Variants in CLASP1 observed in about 807,000 individuals in gnomAD.
The protein encoded by CLASP1 is CLIP-associating protein 1.
A neutral mutation model predicts 192.3 loss-of-function variants in CLASP1; 38 were observed. That is an observed-to-expected ratio of 0.20 (90% CI 0.15 to 0.26). The LOEUF is 0.26. CLASP1 is among the 10% of genes least tolerant of loss of function. The pLI is 1.00. For synonymous variants in CLASP1, 691 were observed against 712.8 expected, an observed-to-expected ratio of 0.97 and a Z score of 0.49; for missense variants, 1,433 against 1,932.5, an observed-to-expected ratio of 0.74 and a Z score of 4.85.
chr2:121,392,533 C>T (rs536030907), intron 30 of CLASP1, among the ~76,000 whole-genome samples: 1 of 152,318 alleles, frequency 6.6e-6, no homozygotes, highest in African/African-American at 2.4e-5. Context: ...GCCTCAGCCT[C>T]CCATGAGGCT....
At chr2:121,636,570 C>T (rs1031863431) in intron 1 of CLASP1, among the ~76,000 whole-genome samples, 2 of 151,868 alleles carry the variant, frequency 1.3e-5, no homozygotes, top group African/African-American at 4.8e-5. Context: ...GAGGCTGAGG[C>T]ATGAGAATCA....
intron 9 of CLASP1, among the ~76,000 whole-genome samples, chr2:121,463,465 G>A (rs2088578776): frequency 6.6e-6 from 1 of 152,132 alleles, no homozygotes; most frequent in Non-Finnish European, 1.5e-5. Context: ...CTCACACTGT[G>A]GAAAAGCTAA....
chr2:121,634,082 T>C (rs1158579071), intron 1 of CLASP1, among the ~76,000 whole-genome samples: 2 of 150,968 alleles, frequency 1.3e-5, no homozygotes, highest in African/African-American at 2.4e-5. Flanking sequence ...CAGGCCAAAA[T>C]AGGAAGGGAC....
At position 121,585,332 on chromosome 2, in the gene CLASP1, G is replaced by C. The variant is rs183351077; in HGVS notation, c.195+20369C>G. ...CTTTCAAGACATCTCTGTAGCTTGAGAGCATTTGTCAGCAGGTTACAAAAA... is the reference window on the plus strand; with the variant it reads ...CTTTCAAGACATCTCTGTAGCTTGACAGCATTTGTCAGCAGGTTACAAAAA... On this transcript the variant is annotated intron_variant, in intron 2 of 39. Transcript: ENST00000263710. Among the ~76,000 whole-genome samples, 310 of 152,292 alleles carry C rather than the reference G, an allele frequency of 2.0e-3. 2 individuals are homozygous for C. The highest frequency in any genetic ancestry group is 2.1e-3 in the Non-Finnish European group (143 of 68,030).
intron 19 of CLASP1, among the ~76,000 whole-genome samples, chr2:121,433,839 C>T (rs940501378): frequency 2.0e-5 from 3 of 152,224 alleles, no homozygotes; most frequent in African/African-American, 4.8e-5. Flanking sequence ...TTTGTAGGTA[C>T]TCTGGTCATA....
chr2:121,481,926 C>T (rs2092627465), intron 8 of CLASP1, among the ~76,000 whole-genome samples: 1 of 152,184 alleles, frequency 6.6e-6, no homozygotes, highest in Non-Finnish European at 1.5e-5. Context: ...ACACAATCAA[C>T]AGCATGTAGG....
chr2:121,361,151 C>T (rs936094870), intron 37 of CLASP1, among the ~76,000 whole-genome samples: 1 of 152,130 alleles, frequency 6.6e-6, no homozygotes, highest in African/African-American at 2.4e-5. Context: ...TGTACTGCCC[C>T]ATGAAAACAA....
At chr2:121,604,612 G>A (rs1246964012) in intron 2 of CLASP1, among the ~76,000 whole-genome samples, 1 of 152,196 alleles carries the variant, frequency 6.6e-6, no homozygotes, top group African/African-American at 2.4e-5. Flanking sequence ...AGGTTGCAGT[G>A]AGCCAAGATA....
At chr2:121,473,140 G>A (rs1477348681) in intron 8 of CLASP1, among the ~76,000 whole-genome samples, 3 of 151,258 alleles carry the variant, frequency 2.0e-5, no homozygotes, top group African/African-American at 7.3e-5. Context: ...TAATCAGGAG[G>A]GGCAAAAAAA....
chr2:121,506,011 G>A (rs554958311), intron 7 of CLASP1, among the ~76,000 whole-genome samples: 5 of 152,192 alleles, frequency 3.3e-5, no homozygotes, highest in African/African-American at 1.2e-4. Flanking sequence ...GAGGACAGAA[G>A]AGATTTTAAA....
intron 7 of CLASP1, among the ~76,000 whole-genome samples, chr2:121,512,223 T>C (rs2094157948): frequency 6.6e-6 from 1 of 152,200 alleles, no homozygotes; most frequent in Admixed American, 6.5e-5. Flanking sequence ...AAATTTAACA[T>C]AAGTGACCTT....
intron 7 of CLASP1, among the ~76,000 whole-genome samples, chr2:121,511,998 A>T (rs183092291): frequency 6.6e-6 from 1 of 152,378 alleles, no homozygotes; most frequent in East Asian, 1.9e-4. Context: ...ATTAAGTAAT[A>T]AAACCTGATG....
intron 2 of CLASP1, chr2:121,531,014 ACCTGTTT>A: frequency 1.4e-6 from 1 of 700,106 alleles, no homozygotes; most frequent in Non-Finnish European, 2.6e-6. Flanking sequence ...AAAAATGAAA[ACCTGTTT>A]TCATAGACTT....
intron 23 of CLASP1, 92 bp downstream of exon 23, chr2:121,418,530 A>G: frequency 1.2e-6 from 1 of 839,154 alleles, no homozygotes; most frequent in South Asian, 1.4e-5. Context: ...AGGACAGTAG[A>G]GGAGGAAAAG....
At chr2:121,458,190 T>C (rs922908783) in intron 13 of CLASP1, among the ~76,000 whole-genome samples, 6 of 152,144 alleles carry the variant, frequency 3.9e-5, no homozygotes, top group South Asian at 4.1e-4. Context: ...TAACCAATAA[T>C]CAAGAATATT....
intron 2 of CLASP1, among the ~76,000 whole-genome samples, chr2:121,531,346 A>G (rs2104811819): frequency 6.6e-6 from 1 of 152,326 alleles, no homozygotes; most frequent in East Asian, 1.9e-4. Context: ...CTGCAATCCC[A>G]GCACTTTGGG....
At chr2:121,553,248 T>C (rs956600979) in intron 2 of CLASP1, among the ~76,000 whole-genome samples, 1 of 152,150 alleles carries the variant, frequency 6.6e-6, no homozygotes, top group African/African-American at 2.4e-5. Flanking sequence ...GGTACTGGGC[T>C]TAATACCTGG....
intron 1 of CLASP1, among the ~76,000 whole-genome samples, chr2:121,630,987 A>T (rs1362189230): frequency 6.6e-6 from 1 of 151,426 alleles, no homozygotes; most frequent in Non-Finnish European, 1.5e-5. Context: ...GTGAAACCCC[A>T]TCTCTACTAA....
intron 8 of CLASP1, among the ~76,000 whole-genome samples, chr2:121,490,739 C>A (rs1040770076): frequency 1.2e-4 from 19 of 152,230 alleles, no homozygotes; most frequent in Admixed American, 6.5e-5. Context: ...AGGTGGGCTT[C>A]TTAGCACAGC....
Sources: gnomAD v4.1 joint callset for allele counts (sites outside exome capture counted in the v4.1 genomes callset) on GRCh38, gnomAD v4.1.1 for gene constraint, MANE v1.5 for transcripts, NCBI Gene and HGNC (gene_info 2026-07-23, HGNC 2026-07-21) for gene names.